Variants in COL28A1 observed in about 807,000 individuals in gnomAD.
COL28A1 encodes the protein collagen alpha-1(XXVIII) chain.
Under a neutral mutation model 150.2 loss-of-function variants are expected in COL28A1, and 161 were observed. The observed-to-expected ratio is 1.07, with a 90% CI of 0.94 to 1.22. The LOEUF (loss-of-function observed/expected upper bound fraction) is 1.22, where lower values mean the gene tolerates loss of function less well. Ranked by LOEUF, COL28A1 falls within the 50% of genes most tolerant of loss-of-function variation. COL28A1 has a pLI of 0.00. For synonymous variants in COL28A1, 552 were observed against 469.7 expected (o/e 1.18, Z -2.26); for missense variants, 1,617 against 1,388.3 (o/e 1.16, Z -2.62).
At chr7:7,542,156 T>C in the COL28A1 span, among the ~76,000 whole-genome samples, 1 of 152,162 alleles carries the variant, frequency 6.6e-6, no homozygotes, top group Non-Finnish European at 1.5e-5. Context: ...AAGGCCATCC[T>C]GGCCAACATA....
intron 17 of COL28A1, 28 bp from the exon 18 acceptor site, chr7:7,452,415 G>T (rs1159562448): frequency 3.8e-6 from 6 of 1,573,670 alleles, no homozygotes; most frequent in Admixed American, 2.2e-5. Flanking sequence ...TAATACAGCA[G>T]CAAAGTGAAA....
chr7:7,392,781 G>T (rs958228657), intron 27 of COL28A1, among the ~76,000 whole-genome samples: 4 of 152,084 alleles, frequency 2.6e-5, no homozygotes, highest in Non-Finnish European at 5.9e-5. Flanking sequence ...ATTGATACTT[G>T]TGTATGCTTC....
chr7:7,532,913 C>A lies in COL28A1; in HGVS notation c.-37-1G>T. 2.0e-6 allele frequency: 3 copies of A among 1,521,316 alleles called. No individual in the cohort carries two copies. Among genetic ancestry groups the A allele is most frequent in the Non-Finnish European group, 2.6e-6 (3 of 1,138,182 alleles). 94.2% of individuals were successfully genotyped at this position (1,521,316 alleles called of 1,614,324 possible). A position where few individuals can be genotyped will look rare whatever the true frequency, so the allele number is the denominator to read the frequency against. ...TGAAAAATCATCTGTCTTGTAGCACCTTTAATAGAAAAGTCAGTTACAAAT... is the reference window on the plus strand; with the variant it reads ...TGAAAAATCATCTGTCTTGTAGCACATTTAATAGAAAAGTCAGTTACAAAT... On this transcript the variant is annotated splice_acceptor_variant, in intron 1 of 34. Transcript: ENST00000399429. LOFTEE classifies it low-confidence loss of function (5UTR_SPLICE).
intron 18 of COL28A1, among the ~76,000 whole-genome samples, chr7:7,451,862 T>C (rs1023761178): frequency 7.9e-5 from 12 of 152,314 alleles, no homozygotes; most frequent in African/African-American, 2.6e-4. Context: ...CTACATCTTA[T>C]ATATTCTTCT....
rs1178483316 is a variant in COL28A1, at chr7:7,380,666, T to A, written c.2316A>T (p.Gly772=). ...CTCTAGAATGGATACTCACTGTAAG[T>A]CCTAGGTCTCCTTTGGGTCCTTGTA... ...QGLQGPKGDL[G]LTKEEIIKLI... The change falls in exon 30 of 35, where the codon GGA becomes GGT. Residue 772 remains glycine (G), a synonymous_variant. Coordinates refer to ENST00000399429, the MANE Select transcript of COL28A1 (RefSeq NM_001037763.3). 7.4e-6 allele frequency: 12 copies of A among 1,613,444 alleles called. No individual in the cohort carries two copies. In the South Asian group the frequency reaches 1.2e-4, roughly 16 times the overall value.
intron 15 of COL28A1, among the ~76,000 whole-genome samples, chr7:7,462,407 G>C (rs55827101): frequency 0.12 from 17,739 of 152,232 alleles, 1,125 homozygotes; most frequent in Middle Eastern, 0.21. Context: ...AAAGAATTCA[G>C]AAGGTGAGTT....
intron 1 of COL28A1, among the ~76,000 whole-genome samples, chr7:7,533,611 T>A (rs1782488016): frequency 6.6e-6 from 1 of 152,116 alleles, no homozygotes. Flanking sequence ...CTAAAAGAAC[T>A]AATGGACAGA....
intron 27 of COL28A1, among the ~76,000 whole-genome samples, chr7:7,393,580 T>C (rs946676303): frequency 1.8e-4 from 27 of 149,876 alleles, no homozygotes; most frequent in Non-Finnish European, 1.8e-4. Context: ...AGGTGCTCTG[T>C]CCGAGGGAGA....
intron 26 of COL28A1, among the ~76,000 whole-genome samples, chr7:7,419,635 A>T (rs1784285720): frequency 6.6e-6 from 1 of 152,214 alleles, no homozygotes; most frequent in African/African-American, 2.4e-5. Context: ...AAACCCAGAA[A>T]TGTTCTGAGC....
At chr7:7,391,967 G>A (rs1301912410) in intron 27 of COL28A1, among the ~76,000 whole-genome samples, 5 of 152,040 alleles carry the variant, frequency 3.3e-5, no homozygotes, top group African/African-American at 1.2e-4. Flanking sequence ...TTTAATTGGG[G>A]CATTTAGCCC....
At chr7:7,536,963 T>C (rs1782666341), upstream of COL28A1, among the ~76,000 whole-genome samples, 2 of 152,130 alleles carry the variant, frequency 1.3e-5, no homozygotes, top group East Asian at 3.8e-4. Context: ...ATGAAGACAA[T>C]TTTCCCAAGA....
intron 18 of COL28A1, among the ~76,000 whole-genome samples, chr7:7,447,334 C>T (rs548918492): frequency 6.6e-6 from 1 of 152,198 alleles, no homozygotes; most frequent in Non-Finnish European, 1.5e-5. Flanking sequence ...ATCCCAACTA[C>T]TCAGGAGGCT....
chr7:7,455,301 C>G (rs937926576), intron 16 of COL28A1, among the ~76,000 whole-genome samples: 1 of 152,138 alleles, frequency 6.6e-6, no homozygotes. Flanking sequence ...AAGTATATGG[C>G]AAACAACAAA....
At chr7:7,366,962 A>ATG (rs68036147) in intron 33 of COL28A1, among the ~76,000 whole-genome samples, 9 of 152,086 alleles carry the variant, frequency 5.9e-5, no homozygotes, top group African/African-American at 1.7e-4. Context: ...TGTATATACT[A>ATG]TGTGTGTGTG....
At chr7:7,487,272 CAATCTA>C (rs1321766504) in intron 13 of COL28A1, among the ~76,000 whole-genome samples, 1 of 152,132 alleles carries the variant, frequency 6.6e-6, no homozygotes, top group African/African-American at 2.4e-5. Context: ...AAACAATCAT[CAATCTA>C]TATTTAAAAA....
intron 27 of COL28A1, among the ~76,000 whole-genome samples, chr7:7,411,660 A>G (rs1297365639): frequency 6.6e-6 from 1 of 152,126 alleles, no homozygotes; most frequent in East Asian, 1.9e-4. Flanking sequence ...ACATGAATGA[A>G]CTTTCCTGGT....
In COL28A1 at chr7:7,487,966, CT is replaced by C. The variant is rs746388314; in HGVS notation, c.1164+1422del. 9.2e-5 allele frequency among the ~76,000 whole-genome samples: 14 copies of C among 152,264 alleles called. No homozygotes were observed. The South Asian group carries it at 2.9e-3, about 32-fold the overall frequency. On this transcript the variant is annotated intron_variant, in intron 13 of 34. Coordinates refer to ENST00000399429, the MANE Select transcript of COL28A1 (RefSeq NM_001037763.3). ...GAAATGAGGTCTCTGGGCAACAACCCTAGCTAAGCTCCCAGACAACAACCTG... is the reference window on the plus strand; with the variant it reads ...GAAATGAGGTCTCTGGGCAACAACCCAGCTAAGCTCCCAGACAACAACCTG...
intron 4 of COL28A1, 58 bp from the exon 5 acceptor site, chr7:7,522,019 A>T: frequency 1.2e-6 from 1 of 832,894 alleles, no homozygotes; most frequent in Non-Finnish European, 2.1e-6. Context: ...TGTATGCAGC[A>T]TTTCAAATTG....
intron 9 of COL28A1, 105 bp downstream of exon 9, chr7:7,510,986 A>G (rs964424258): frequency 1.2e-5 from 10 of 863,252 alleles, no homozygotes; most frequent in Non-Finnish European, 1.7e-5. Context: ...ATTGATTCCA[A>G]CTCTAGTAGT....
Sources: gnomAD v4.1 joint callset for allele counts (sites outside exome capture counted in the v4.1 genomes callset) on GRCh38, gnomAD v4.1.1 for gene constraint, MANE v1.5 for transcripts, NCBI Gene and HGNC (gene_info 2026-07-23, HGNC 2026-07-21) for gene names.